Variants in TAMM41 observed in about 807,000 individuals in gnomAD.
TAMM41 encodes the protein phosphatidate cytidylyltransferase, mitochondrial.
A neutral mutation model predicts 44.1 loss-of-function variants in TAMM41; 36 were observed. The ratio of observed to expected loss-of-function variants is 0.82; its 90% confidence interval spans 0.63 to 1.08. TAMM41 has a LOEUF of 1.08. Ranked by LOEUF, TAMM41 falls within the 50% of genes least tolerant of loss-of-function variation. The pLI is 0.00. For synonymous variants in TAMM41, 164 were observed against 153.1 expected (o/e 1.07, Z -0.53); for missense variants, 417 against 404.3 (o/e 1.03, Z -0.27).
At chr3:11,745,576 A>C in the TAMM41 span, among the ~76,000 whole-genome samples, 1 of 152,210 alleles carries the variant, frequency 6.6e-6, no homozygotes, top group South Asian at 2.1e-4. Flanking sequence ...AACTAGTCAC[A>C]AAAAAACCAA....
At chr3:11,755,056 AG>A in the TAMM41 span, among the ~76,000 whole-genome samples, 239 of 152,000 alleles carry the variant, frequency 1.6e-3, no homozygotes, top group Admixed American at 4.5e-3. Flanking sequence ...TGATGACCAC[AG>A]CTCTTCCCTA....
intron 7 of TAMM41, among the ~76,000 whole-genome samples, chr3:11,801,935 T>C (rs904905033): frequency 1.3e-5 from 2 of 152,008 alleles, no homozygotes; most frequent in Admixed American, 1.3e-4. Context: ...AAATGAAAAG[T>C]TGGGACTAGG....
chr3:11,788,305 C>T (rs774753331), downstream of TAMM41, among the ~76,000 whole-genome samples: 8 of 152,260 alleles, frequency 5.3e-5, no homozygotes, highest in Non-Finnish European at 7.4e-5. Flanking sequence ...AAATTCGTAT[C>T]GTATAAGCAG....
At chr3:11,759,292 G>A in the TAMM41 span, among the ~76,000 whole-genome samples, 4 of 152,046 alleles carry the variant, frequency 2.6e-5, no homozygotes, top group East Asian at 7.8e-4. Flanking sequence ...GGTGATCAAC[G>A]GCACATCCAT....
At position 11,839,263 on chromosome 3, in the gene TAMM41, TGAG is replaced by T. The variant is rs2079324667; in HGVS notation, c.367_369del (p.Leu123del). ...CCAGCAATGTATAAGTTATTCCAGT[TGAG>T]GAGATCTTCAATCAGAACGTTAGTG... On this transcript the variant is annotated inframe_deletion, in exon 3 of 8. Transcript: ENST00000455809. The T allele has an allele frequency of 1.9e-6, 3 of 1,613,652 alleles. No homozygotes were observed. The highest frequency in any genetic ancestry group is 1.3e-5 in the African/African-American group (1 of 74,910).
chr3:11,789,458 T>G (rs2077437522), downstream of TAMM41, among the ~76,000 whole-genome samples: 1 of 152,088 alleles, frequency 6.6e-6, no homozygotes, highest in African/African-American at 2.4e-5. Context: ...GCTTGTTAGG[T>G]GGATGAGGTG....
chr3:11,758,047 C>T, the TAMM41 span, among the ~76,000 whole-genome samples: 1 of 152,106 alleles, frequency 6.6e-6, no homozygotes, highest in African/African-American at 2.4e-5. Context: ...GGATGCCTCC[C>T]AGAGGAACTG....
the TAMM41 span, among the ~76,000 whole-genome samples, chr3:11,776,924 C>G: frequency 2.6e-5 from 4 of 152,300 alleles, no homozygotes; most frequent in East Asian, 7.7e-4. Context: ...ACTGTGTGAT[C>G]TCACTTCTGT....
chr3:11,754,462 C>T, the TAMM41 span, among the ~76,000 whole-genome samples: 1 of 152,076 alleles, frequency 6.6e-6, no homozygotes, highest in East Asian at 1.9e-4. Flanking sequence ...CAGCCTCGAC[C>T]TCCTGGATTA....
At chr3:11,815,511 G>C (rs148435922) in intron 5 of TAMM41, among the ~76,000 whole-genome samples, 10 of 152,284 alleles carry the variant, frequency 6.6e-5, no homozygotes, top group Non-Finnish European at 1.3e-4. Context: ...GAGAAACAAA[G>C]TTGTACAGGA....
At chr3:11,793,396 G>C (rs1174163956) in intron 7 of TAMM41, among the ~76,000 whole-genome samples, 1 of 152,176 alleles carries the variant, frequency 6.6e-6, no homozygotes, top group Admixed American at 6.5e-5. Flanking sequence ...CAGAAGCTCT[G>C]CTAGTGCAAG....
intron 2 of TAMM41, among the ~76,000 whole-genome samples, chr3:11,840,807 A>G (rs1447941771): frequency 1.3e-5 from 2 of 152,120 alleles, no homozygotes; most frequent in Non-Finnish European, 1.5e-5. Flanking sequence ...AAGCTCAGAG[A>G]CAACAAATGA....
chr3:11,822,217 G>C (rs2078552380), intron 4 of TAMM41, among the ~76,000 whole-genome samples: 1 of 152,128 alleles, frequency 6.6e-6, no homozygotes, highest in South Asian at 2.1e-4. Context: ...TTTCAGTGCA[G>C]TTTTTTATGT....
chr3:11,831,633 T>C, intron 3 of TAMM41, among the ~76,000 whole-genome samples: 1 of 152,154 alleles, frequency 6.6e-6, no homozygotes, highest in East Asian at 1.9e-4. Flanking sequence ...AAAGACACAC[T>C]ATGAGAAACT....
chr3:11,843,747 C>T, intron 2 of TAMM41: 1 of 356,196 alleles, frequency 2.8e-6, no homozygotes, highest in East Asian at 4.5e-5. Context: ...ATAAGTCAGT[C>T]ACACCCAACC....
the TAMM41 span, among the ~76,000 whole-genome samples, chr3:11,779,220 G>A: frequency 2.0e-5 from 3 of 152,162 alleles, no homozygotes; most frequent in African/African-American, 7.2e-5. Context: ...TGGGGGCAGC[G>A]TGAGGCCCTC....
the TAMM41 span, among the ~76,000 whole-genome samples, chr3:11,746,760 G>A: frequency 6.6e-6 from 1 of 151,802 alleles, no homozygotes; most frequent in Non-Finnish European, 1.5e-5. Flanking sequence ...TCAGCCTCCC[G>A]AGTAGCCGGG....
At chr3:11,806,687 T>A (rs2077919272) in intron 7 of TAMM41, among the ~76,000 whole-genome samples, 1 of 151,714 alleles carries the variant, frequency 6.6e-6, no homozygotes, top group South Asian at 2.1e-4. Flanking sequence ...AAAGAAAAAA[T>A]TTAAAACATT....
Position 11,817,990 on chromosome 3 carries a change from C to A in TAMM41, c.563-653G>T, listed in dbSNP as rs114505442. 5.7e-3 allele frequency among the ~76,000 whole-genome samples: 867 copies of A among 152,270 alleles called. 13 individuals are homozygous for A. The highest frequency in any genetic ancestry group is 0.02 in the African/African-American group (845 of 41,558). On this transcript the variant is annotated intron_variant, in intron 4 of 7. Coordinates refer to ENST00000455809, the MANE Select transcript of TAMM41 (RefSeq NM_001284401.2). Reference sequence around the variant, plus strand: ...CTGAAAGACAAAAGCATTTCTGAATCAAATGAAAAGTGCCCTGCCAATGCC... The same window carrying A: ...CTGAAAGACAAAAGCATTTCTGAATAAAATGAAAAGTGCCCTGCCAATGCC...
Sources: allele counts gnomAD v4.1 joint callset (sites outside exome capture counted in the v4.1 genomes callset), GRCh38; gene constraint gnomAD v4.1.1; transcripts MANE v1.5; gene names NCBI Gene and HGNC (gene_info 2026-07-23, HGNC 2026-07-21).